Variants in SLC40A1 observed in about 807,000 individuals in gnomAD.
The protein encoded by SLC40A1 is ferroportin.
A neutral mutation model predicts 53.5 loss-of-function variants in SLC40A1; 16 were observed. The observed-to-expected ratio is 0.30, with a 90% CI of 0.20 to 0.45. The LOEUF (loss-of-function observed/expected upper bound fraction) is 0.45. Ranked by LOEUF, SLC40A1 falls within the 20% of genes least tolerant of loss-of-function variation. SLC40A1 has a pLI of 1.00. For missense variants in SLC40A1, 545 were observed against 695.4 expected, an observed-to-expected ratio of 0.78 and a Z score of 2.43; for synonymous variants, 247 against 253.2, an observed-to-expected ratio of 0.98 and a Z score of 0.23.
chr2:189,576,265 T>A, intron 2 of SLC40A1, among the ~76,000 whole-genome samples: 1 of 152,196 alleles, frequency 6.6e-6, no homozygotes, highest in Non-Finnish European at 1.5e-5. Context: ...GGAAACCAAA[T>A]TCCAGGCCTC....
chr2:189,577,603 C>A (rs1309207586), intron 2 of SLC40A1, among the ~76,000 whole-genome samples: 1 of 140,048 alleles, frequency 7.1e-6, no homozygotes, highest in African/African-American at 2.6e-5. Flanking sequence ...AGCTCCTTGA[C>A]AATAGTATCC....
intron 4 of SLC40A1, among the ~76,000 whole-genome samples, chr2:189,572,249 C>T (rs1313314030): frequency 2.6e-5 from 4 of 152,210 alleles, no homozygotes; most frequent in Non-Finnish European, 1.5e-5. Flanking sequence ...AATCAACTAA[C>T]GTTCACTTTG....
At chr2:189,565,026 C>T (rs62183592) in intron 6 of SLC40A1, among the ~76,000 whole-genome samples, 7,394 of 152,226 alleles carry the variant, frequency 0.049, 243 homozygotes, top group Non-Finnish European at 0.074. Flanking sequence ...GGGATTCTCT[C>T]ATTCTCTTTT....
intron 5 of SLC40A1, among the ~76,000 whole-genome samples, chr2:189,568,331 A>T (rs1380114582): frequency 1.3e-5 from 2 of 152,190 alleles, no homozygotes; most frequent in Non-Finnish European, 2.9e-5. Flanking sequence ...TACTAAAAAT[A>T]CAAAAAAATT....
intron 2 of SLC40A1, 63 bp downstream of exon 2, chr2:189,579,750 G>T: frequency 5.6e-6 from 8 of 1,430,154 alleles, no homozygotes; most frequent in Non-Finnish European, 6.9e-6. Flanking sequence ...AATACAACTG[G>T]CTAGAACGAA....
At chr2:189,570,729 C>T (rs1392569173) in intron 5 of SLC40A1, among the ~76,000 whole-genome samples, 1 of 152,186 alleles carries the variant, frequency 6.6e-6, no homozygotes, top group Non-Finnish European at 1.5e-5. Flanking sequence ...CCTTCACTCA[C>T]CCCTCCTTTC....
At chr2:189,571,961 C>A in intron 4 of SLC40A1, 120 bp from the exon 5 acceptor site, 1 of 734,314 alleles carries the variant, frequency 1.4e-6, no homozygotes, top group South Asian at 1.5e-5. Context: ...ATTTTAATTT[C>A]ATTTATAAGA....
chr2:189,570,448 C>T (rs531705654), intron 5 of SLC40A1, among the ~76,000 whole-genome samples: 2 of 152,012 alleles, frequency 1.3e-5, no homozygotes, highest in African/African-American at 4.8e-5. Context: ...CAAAAAAAGA[C>T]AAAGCCTTAT....
chr2:189,572,818 G>C (rs1384316401), intron 4 of SLC40A1, 28 bp downstream of exon 4: 18 of 1,474,320 alleles, frequency 1.2e-5, no homozygotes, highest in Non-Finnish European at 1.6e-5. Context: ...TCAATTTTCT[G>C]CCATCAAGAA....
At chr2:189,575,348 T>A in intron 2 of SLC40A1, 28 bp from the exon 3 acceptor site, 1 of 1,613,454 alleles carries the variant, frequency 6.2e-7, no homozygotes, top group Non-Finnish European at 8.5e-7. Context: ...AATGTTTTGA[T>A]GGAATATTTT....
Position 189,562,097 on chromosome 2 carries a change from C to G in SLC40A1, c.1497G>C (p.Met499Ile). The G allele has an allele frequency of 6.2e-7, 1 of 1,613,800 alleles. No individual in the cohort carries two copies. Among genetic ancestry groups the G allele is most frequent in the Non-Finnish European group, 8.5e-7 (1 of 1,179,712 alleles). The stretch of plus-strand genomic sequence containing the variant: ...AATGCAGAAGATCAAGAAGATAGTT[C>G]ATGGAGTTCTGTACACCATTTATAA... ...RGIINGVQNS[M>I]NYLLDLLHFI... Residue 499 changes from methionine (M) to isoleucine (I), a missense_variant, in exon 8 of 8, where the codon ATG becomes ATC. Coordinates refer to ENST00000261024, the MANE Select transcript of SLC40A1 (RefSeq NM_014585.6).
intron 5 of SLC40A1, among the ~76,000 whole-genome samples, chr2:189,570,673 T>C (rs2031097612): frequency 6.6e-6 from 1 of 152,212 alleles, no homozygotes; most frequent in Non-Finnish European, 1.5e-5. Context: ...CACAAAGTGA[T>C]GATTCAGGCA....
At chr2:189,575,960 A>T (rs1354099525) in intron 2 of SLC40A1, among the ~76,000 whole-genome samples, 1 of 152,242 alleles carries the variant, frequency 6.6e-6, no homozygotes, top group Non-Finnish European at 1.5e-5. Context: ...TGTCAGAAAT[A>T]AACTTAAATG....
intron 4 of SLC40A1, among the ~76,000 whole-genome samples, chr2:189,572,336 T>C (rs1480282005): frequency 6.6e-6 from 1 of 152,172 alleles, no homozygotes; most frequent in East Asian, 1.9e-4. Flanking sequence ...AACTCTATAA[T>C]ATCAATCCAC....
In SLC40A1 at chr2:189,575,151, C is replaced by T. The variant is rs1216564998; in HGVS notation, c.271+10G>A. 6.2e-6 allele frequency: 10 copies of T among 1,613,506 alleles called. No individual in the cohort carries two copies. The East Asian group carries it at 6.7e-5, about 11-fold the overall frequency. On this transcript the variant is annotated intron_variant, in intron 3 of 7. Coordinates refer to ENST00000261024, the MANE Select transcript of SLC40A1 (RefSeq NM_014585.6). ...TGAATAAAAGGGCTTAATTATATAA[C>T]AACACTCACCTTTAAGTCTAGCATT...
In SLC40A1 at chr2:189,580,472, A is replaced by T; in HGVS notation, c.-12T>A. 1.2e-6 allele frequency: 2 copies of T among 1,613,026 alleles called. No individual in the cohort carries two copies. The highest frequency in any genetic ancestry group is 1.7e-6 in the Non-Finnish European group (2 of 1,179,950). ...CCCGCCCTGGTCATGACACTAGGCG[A>T]CCCCGCTGGCTCTTCTGCGGCTGCT... On this transcript the variant is annotated 5_prime_UTR_variant, in exon 1 of 8. Coordinates refer to ENST00000261024, the MANE Select transcript of SLC40A1 (RefSeq NM_014585.6).
Position 189,564,162 on chromosome 2 carries a change from T to C in SLC40A1, c.824A>G (p.Glu275Gly). The C allele has an allele frequency of 1.9e-6, 3 of 1,613,536 alleles. No homozygotes were observed. The South Asian group carries it at 3.3e-5, about 18-fold the overall frequency. ...LMGVKDSNIH[E>G]LEHEQEPTCA... ...AGTAGGCTCTTGCTCATGTTCAAGC[T>C]CATGGATGTTAGAGTCTTTCACACC... Residue 275 changes from glutamate (E) to glycine (G), a missense_variant, in exon 7 of 8, where the codon GAG (glutamate) becomes GGG (glycine). Glu to Gly is a moderately conservative substitution (Grantham distance 98). Transcript: ENST00000261024.
Position 189,564,172 on chromosome 2 carries a change from T to TA in SLC40A1, c.813dup (p.Asn272Ter). The TA allele has an allele frequency of 3.7e-6, 6 of 1,613,596 alleles. No homozygotes were observed. Among genetic ancestry groups the TA allele is most frequent in the Non-Finnish European group, 5.1e-6 (6 of 1,179,812 alleles). ...TGCTCATGTTCAAGCTCATGGATGT[T>TA]AGAGTCTTTCACACCCATTAGATGA... On this transcript the variant is annotated frameshift_variant, in exon 7 of 8. Transcript: ENST00000261024. LOFTEE classifies it high-confidence loss of function.
intron 1 of SLC40A1, 143 bp downstream of exon 1, chr2:189,580,275 G>A (rs2031418079): frequency 2.2e-6 from 2 of 917,908 alleles, no homozygotes; most frequent in Admixed American, 1.9e-5. Context: ...CTTCCTTAAC[G>A]TCCACCAAAT....
Sources: allele counts gnomAD v4.1 joint callset (sites outside exome capture counted in the v4.1 genomes callset), GRCh38; gene constraint gnomAD v4.1.1; transcripts MANE v1.5; gene names NCBI Gene and HGNC (gene_info 2026-07-23, HGNC 2026-07-21).